The following MAOB variants were observed in gnomAD, a reference collection of about 807,000 sequenced individuals.
The protein encoded by MAOB is amine oxidase [flavin-containing] B.
In MAOB, 15 loss-of-function variants were observed where a neutral mutation model predicts 41.9. The ratio of observed to expected loss-of-function variants is 0.36; its 90% confidence interval spans 0.24 to 0.55. The LOEUF (loss-of-function observed/expected upper bound fraction) is 0.55. MAOB is among the 20% of genes least tolerant of loss of function. The pLI is 0.86. For missense variants in MAOB, 345 were observed against 398.7 expected, an observed-to-expected ratio of 0.87 and a Z score of 1.15; for synonymous variants, 167 against 144.2, an observed-to-expected ratio of 1.16 and a Z score of -1.13.
chrX:43,793,723 TTG>T (rs1311980477), intron 7 of MAOB, 145 bp from the exon 8 acceptor site: 14 of 474,610 alleles, frequency 2.9e-5, no homozygotes, highest in Non-Finnish European at 3.8e-5. Context: ...GTAGCCCTTA[TTG>T]TTCCTTAGTT....
At chrX:43,832,942 A>C (rs1054778587) in intron 3 of MAOB, among the ~76,000 whole-genome samples, 1 of 111,701 alleles carries the variant, frequency 9.0e-6, no homozygotes, top group Non-Finnish European at 1.9e-5. Context: ...AATCTTAAGG[A>C]AAGGAGGATC....
intron 2 of MAOB, among the ~76,000 whole-genome samples, chrX:43,839,497 T>C (rs1164452902): frequency 1.8e-5 from 2 of 112,283 alleles, no homozygotes; most frequent in African/African-American, 6.5e-5. Flanking sequence ...TTACGTAGTT[T>C]TGAATTGGTT....
chrX:43,828,031 T>C (rs369395745), intron 3 of MAOB, among the ~76,000 whole-genome samples: 1 of 111,260 alleles, frequency 9.0e-6, no homozygotes, highest in African/African-American at 3.3e-5. Context: ...CCTGGCCTCA[T>C]CAAGAAAAGT....
rs192423378 is a variant in MAOB at position 43,848,491 on chromosome X, G to A, written c.47-4727C>T. Reference sequence around the variant, plus strand: ...ATTGTAATCCTGGTAAACTATATAGGCATTCCCTTGGGACTGTTTTTTTTT... The same window carrying A: ...ATTGTAATCCTGGTAAACTATATAGACATTCCCTTGGGACTGTTTTTTTTT... On this transcript the variant is annotated intron_variant, in intron 1 of 14. Coordinates refer to ENST00000378069, the MANE Select transcript of MAOB (RefSeq NM_000898.5). Among the ~76,000 whole-genome samples, 583 of 109,398 alleles carry A rather than the reference G, an allele frequency of 5.3e-3. 2 individuals are homozygous for A. The highest frequency in any genetic ancestry group is 0.018 in the South Asian group (43 of 2,418). 95.0% of individuals were successfully genotyped at this position (109,398 alleles called of 115,157 possible). A position where few individuals can be genotyped will look rare whatever the true frequency, so the allele number is the denominator to read the frequency against.
chrX:43,827,389 T>C (rs2034961962), intron 3 of MAOB, among the ~76,000 whole-genome samples: 2 of 111,672 alleles, frequency 1.8e-5, no homozygotes, highest in Admixed American at 9.5e-5. Context: ...CCAAGTCTAG[T>C]ACCTTTGTAA....
intron 1 of MAOB, among the ~76,000 whole-genome samples, chrX:43,857,152 GAGAGAGAGAGAGA>G (rs1569230926): frequency 1.7e-5 from 1 of 59,214 alleles, no homozygotes; most frequent in East Asian, 5.6e-4. Context: ...GAGAGAGAGA[GAGAGAGAGAGAGA>G]AGAAGAGAGA....
intron 3 of MAOB, among the ~76,000 whole-genome samples, chrX:43,810,026 G>A (rs1031555547): frequency 5.0e-5 from 5 of 99,287 alleles, no homozygotes; most frequent in Non-Finnish European, 9.6e-5. Flanking sequence ...GGCGGATCAC[G>A]AGGTCAGGAG....
chrX:43,775,420 T>C, intron 11 of MAOB, 148 bp from the exon 12 acceptor site: 2 of 954,963 alleles, frequency 2.1e-6, no homozygotes, highest in East Asian at 4.0e-5. Context: ...TAAAGATATG[T>C]CTTTGGGCAG....
Position 43,781,132 on chromosome X carries a change from G to A in MAOB, c.1025+316C>T, listed in dbSNP as rs143178387. On this transcript the variant is annotated intron_variant, in intron 9 of 14. Coordinates refer to ENST00000378069, the MANE Select transcript of MAOB (RefSeq NM_000898.5). ...GAAGTCTCTTAGTAAAACACCCCAA[G>A]TCAGGTCTTTTTATCATGCTTTCAA... 5.0e-3 allele frequency among the ~76,000 whole-genome samples: 556 copies of A among 111,036 alleles called. 3 individuals are homozygous for A. Among genetic ancestry groups the A allele is most frequent in the African/African-American group, 0.016 (502 of 30,494 alleles).
intron 1 of MAOB, among the ~76,000 whole-genome samples, chrX:43,870,159 G>A (rs1164238373): frequency 8.9e-6 from 1 of 112,536 alleles, no homozygotes; most frequent in Non-Finnish European, 1.9e-5. Context: ...CAAAATGGTG[G>A]CTTGGAATAG....
At chrX:43,836,666 A>C (rs1256368267) in intron 3 of MAOB, among the ~76,000 whole-genome samples, 1 of 112,333 alleles carries the variant, frequency 8.9e-6, no homozygotes, top group Non-Finnish European at 1.9e-5. Flanking sequence ...CCAAGAGAGT[A>C]TTTTAGAGTG....
At chrX:43,841,231 C>T (rs1324444472) in intron 2 of MAOB, among the ~76,000 whole-genome samples, 2 of 111,274 alleles carry the variant, frequency 1.8e-5, no homozygotes, top group Admixed American at 9.6e-5. Context: ...TGCAGAGAAA[C>T]TTGCTTTGCT....
At chrX:43,805,158 G>C (rs1441282331) in intron 3 of MAOB, among the ~76,000 whole-genome samples, 1 of 111,207 alleles carries the variant, frequency 9.0e-6, no homozygotes, top group Non-Finnish European at 1.9e-5. Flanking sequence ...CTATCATTTT[G>C]GGAGGTGAGA....
Position 43,882,447 on chromosome X carries a change from T to C in MAOB, c.-148A>G. The C allele has an allele frequency of 1.0e-6, 1 of 988,088 alleles. No homozygotes were observed. The highest frequency in any genetic ancestry group is 1.3e-6 in the Non-Finnish European group (1 of 781,990). The allele number at this position is 988,088 out of a possible 1,213,427, so 81.4% of individuals were successfully genotyped here. On this transcript the variant is annotated 5_prime_UTR_variant, in exon 1 of 15. The change creates a new upstream start codon in the 5' untranslated region. Coordinates refer to ENST00000378069, the MANE Select transcript of MAOB (RefSeq NM_000898.5). ...GCACCAGCGCCTCGGCGAGCCGCTA[T>C]ATTACCAGCCCCGGGAGCCCGGACG... is the stretch of plus-strand genomic sequence containing the variant.
At chrX:43,862,482 C>A (rs1030434380) in intron 1 of MAOB, among the ~76,000 whole-genome samples, 14 of 112,373 alleles carry the variant, frequency 1.2e-4, no homozygotes, top group African/African-American at 4.5e-4. Context: ...AGTTTTGAAT[C>A]CACTGAGTTT....
intron 3 of MAOB, among the ~76,000 whole-genome samples, chrX:43,835,988 T>C (rs1225494686): frequency 2.7e-5 from 3 of 111,989 alleles, no homozygotes; most frequent in Non-Finnish European, 5.6e-5. Context: ...ATATGGCAAG[T>C]AGCATACTTG....
chrX:43,767,538 T>C lies in MAOB; in HGVS notation c.1491A>G (p.Gly497=). Residue 497 remains glycine, a synonymous_variant, in exon 15 of 15, where the codon GGA becomes GGG. Coordinates refer to ENST00000378069, the MANE Select transcript of MAOB (RefSeq NM_000898.5). The part of the protein sequence containing the change: ...PSVPGLLRLI[G]LTTIFSATAL... ...CCGTTGCTGAAAAGATGGTGGTCAA[T>C]CCAATCAGCCTGAGCAGGCCTGGCA... 2 of 1,210,626 alleles carry C rather than the reference T, an allele frequency of 1.7e-6. No individual in the cohort carries two copies. Among genetic ancestry groups the C allele is most frequent in the Non-Finnish European group, 2.2e-6 (2 of 894,959 alleles).
intron 2 of MAOB, among the ~76,000 whole-genome samples, chrX:43,842,899 G>A (rs1015161754): frequency 9.0e-6 from 1 of 111,426 alleles, no homozygotes; most frequent in Non-Finnish European, 1.9e-5. Context: ...CAGGGGCTGG[G>A]GGGTGAGAAC....
At chrX:43,815,871 G>A (rs1478966689) in intron 3 of MAOB, among the ~76,000 whole-genome samples, 1 of 112,060 alleles carries the variant, frequency 8.9e-6, no homozygotes, top group Non-Finnish European at 1.9e-5. Flanking sequence ...CCCAGAAAAT[G>A]TTCTCCAAAC....
Sources: allele counts gnomAD v4.1 joint callset (sites outside exome capture counted in the v4.1 genomes callset), GRCh38; gene constraint gnomAD v4.1.1; transcripts MANE v1.5; gene names NCBI Gene and HGNC (gene_info 2026-07-23, HGNC 2026-07-21).